LMNTD1: variants seen among roughly 807,000 people sequenced by gnomAD.
LMNTD1 encodes the protein lamin tail domain containing 1.
LMNTD1 carries 35 observed loss-of-function variants against 50.9 expected under a neutral mutation model. The observed-to-expected ratio is 0.69, with a 90% CI of 0.53 to 0.91. LMNTD1 has a LOEUF of 0.91. Ranked by LOEUF, LMNTD1 falls within the 40% of genes least tolerant of loss-of-function variation. The pLI is 0.00. For synonymous variants in LMNTD1, 153 were observed against 161.9 expected, an observed-to-expected ratio of 0.94 and a Z score of 0.42; for missense variants, 470 against 475.5, an observed-to-expected ratio of 0.99 and a Z score of 0.11.
intron 9 of LMNTD1, among the ~76,000 whole-genome samples, chr12:25,489,229 C>T (rs1014894468): frequency 5.9e-4 from 90 of 151,276 alleles, no homozygotes; most frequent in African/African-American, 2.1e-3. Context: ...CCCCCAGACT[C>T]GCTGCTGCCT....
intron 4 of LMNTD1, among the ~76,000 whole-genome samples, chr12:25,544,053 A>C (rs1943271103): frequency 6.6e-6 from 1 of 151,970 alleles, no homozygotes; most frequent in Non-Finnish European, 1.5e-5. Flanking sequence ...ATTCTGCAGC[A>C]ATTGGGTGAA....
chr12:25,544,715 A>G (rs1013113710), intron 4 of LMNTD1, among the ~76,000 whole-genome samples: 10 of 151,566 alleles, frequency 6.6e-5, no homozygotes, highest in African/African-American at 2.2e-4. Context: ...TGAATCTATT[A>G]TAGGTTTTTG....
chr12:25,530,598 T>A (rs923045485), intron 4 of LMNTD1, among the ~76,000 whole-genome samples: 2 of 152,214 alleles, frequency 1.3e-5, no homozygotes, highest in Non-Finnish European at 2.9e-5. Flanking sequence ...AGCTGTTCCG[T>A]TGATCTAGCT....
At chr12:25,588,601 A>G (rs2136458782) in intron 1 of LMNTD1, among the ~76,000 whole-genome samples, 1 of 152,326 alleles carries the variant, frequency 6.6e-6, no homozygotes, top group East Asian at 1.9e-4. Flanking sequence ...GTCAAAAAAA[A>G]ATCAAGGTAA....
At chr12:25,572,896 A>G (rs943601174) in intron 1 of LMNTD1, among the ~76,000 whole-genome samples, 3 of 141,238 alleles carry the variant, frequency 2.1e-5, no homozygotes, top group South Asian at 4.4e-4. Flanking sequence ...CGCATTTCCC[A>G]TTGTGCTATG....
chr12:25,581,945 G>A (rs1945309277), intron 1 of LMNTD1, among the ~76,000 whole-genome samples: 1 of 152,172 alleles, frequency 6.6e-6, no homozygotes, highest in South Asian at 2.1e-4. Flanking sequence ...GTCCATCATT[G>A]ATCGAAAGAT....
At chr12:25,626,028 C>T (rs1232797383) in intron 1 of LMNTD1, among the ~76,000 whole-genome samples, 1 of 152,188 alleles carries the variant, frequency 6.6e-6, no homozygotes, top group Non-Finnish European at 1.5e-5. Context: ...ATATTTATGT[C>T]TTCTTCCCTT....
chr12:25,560,248 G>T (rs945813801), intron 1 of LMNTD1, among the ~76,000 whole-genome samples: 7 of 152,182 alleles, frequency 4.6e-5, no homozygotes, highest in Non-Finnish European at 8.8e-5. Context: ...TCCAGTTTCA[G>T]CTTTCTACAT....
upstream of LMNTD1, among the ~76,000 whole-genome samples, chr12:25,556,714 T>G (rs1944059193): frequency 6.6e-6 from 1 of 152,200 alleles, no homozygotes; most frequent in African/African-American, 2.4e-5. Context: ...AAACTGAGTT[T>G]CATGTTGTGA....
At chr12:25,487,434 T>C (rs1388580310) in intron 9 of LMNTD1, among the ~76,000 whole-genome samples, 1 of 136,044 alleles carries the variant, frequency 7.4e-6, no homozygotes, top group Non-Finnish European at 1.6e-5. Context: ...AAAGTCTGTT[T>C]TATCAGAGAC....
intron 9 of LMNTD1, among the ~76,000 whole-genome samples, chr12:25,495,747 A>G (rs1591825860): frequency 6.6e-6 from 1 of 152,188 alleles, no homozygotes; most frequent in African/African-American, 2.4e-5. Flanking sequence ...GCCTTACTAG[A>G]CAGTTCCTGA....
At chr12:25,551,021 T>C (rs999173797) in intron 2 of LMNTD1, among the ~76,000 whole-genome samples, 1 of 152,050 alleles carries the variant, frequency 6.6e-6, no homozygotes, top group Non-Finnish European at 1.5e-5. Flanking sequence ...ACCGTAGAGG[T>C]AGTGGGAAGG....
intron 6 of LMNTD1, among the ~76,000 whole-genome samples, chr12:25,521,220 T>G (rs1325831860): frequency 1.3e-5 from 2 of 152,142 alleles, no homozygotes; most frequent in African/African-American, 4.8e-5. Flanking sequence ...TAGCTTGACA[T>G]ACTCCATGCC....
At chr12:25,489,012 G>A (rs1938774883) in intron 9 of LMNTD1, among the ~76,000 whole-genome samples, 3 of 152,184 alleles carry the variant, frequency 2.0e-5, no homozygotes, top group African/African-American at 7.2e-5. Flanking sequence ...TGTGCTGGGA[G>A]AACCACTGCT....
intron 9 of LMNTD1, among the ~76,000 whole-genome samples, chr12:25,492,294 T>C (rs1380620563): frequency 6.6e-6 from 1 of 152,258 alleles, no homozygotes; most frequent in East Asian, 1.9e-4. Flanking sequence ...TCTTAAAGGA[T>C]GTCCTTCTTA....
chr12:25,530,578 A>C (rs1942152440), intron 4 of LMNTD1, among the ~76,000 whole-genome samples: 1 of 152,184 alleles, frequency 6.6e-6, no homozygotes, highest in African/African-American at 2.4e-5. Flanking sequence ...TGAATATTGT[A>C]AGGCTTCCTA....
intron 1 of LMNTD1, among the ~76,000 whole-genome samples, chr12:25,635,216 G>A (rs1946804241): frequency 7.0e-6 from 1 of 142,774 alleles, no homozygotes; most frequent in Non-Finnish European, 1.5e-5. Flanking sequence ...CTCCAGTCTG[G>A]GCAACAAGAG....
At chr12:25,489,315 G>A (rs946037939) in intron 9 of LMNTD1, among the ~76,000 whole-genome samples, 2 of 150,692 alleles carry the variant, frequency 1.3e-5, no homozygotes, top group Non-Finnish European at 1.5e-5. Context: ...GCCAGGTGTG[G>A]GATATAGTCT....
intron 9 of LMNTD1, among the ~76,000 whole-genome samples, chr12:25,488,524 A>G (rs1393404937): frequency 1.4e-5 from 2 of 146,234 alleles, no homozygotes; most frequent in African/African-American, 5.1e-5. Context: ...TATTCTAGTT[A>G]TACATTCTTC....
Sources: allele counts gnomAD v4.1 joint callset (sites outside exome capture counted in the v4.1 genomes callset), GRCh38; gene constraint gnomAD v4.1.1; transcripts MANE v1.5; gene names NCBI Gene and HGNC (gene_info 2026-07-23, HGNC 2026-07-21).